PTPRO: variants seen among roughly 807,000 people sequenced by gnomAD.
PTPRO encodes the protein protein tyrosine phosphatase receptor type O.
PTPRO carries 62 observed loss-of-function variants against 145.2 expected under a neutral mutation model. The observed-to-expected ratio is 0.43, with a 90% confidence interval of 0.35 to 0.53. The LOEUF (loss-of-function observed/expected upper bound fraction) is 0.53. Ranked by LOEUF, PTPRO falls within the 20% of genes least tolerant of loss-of-function variation. PTPRO has a pLI of 0.01. For synonymous variants in PTPRO, 565 were observed against 514.7 expected (o/e 1.10, Z -1.32); for missense variants, 1,345 against 1,482.7 (o/e 0.91, Z 1.53).
chr12:15,345,788 C>A (rs1867186552), intron 1 of PTPRO, among the ~76,000 whole-genome samples: 1 of 152,128 alleles, frequency 6.6e-6, no homozygotes, highest in Admixed American at 6.6e-5. Flanking sequence ...ATTCTTAAGA[C>A]CACTCATTCT....
At position 15,540,375 on chromosome 12, in the gene PTPRO, T is replaced by C. The variant is rs114250791; in HGVS notation, c.2165-6194T>C. Reference sequence around the variant, plus strand: ...TGAAGAGCATTCTAAAAAACTGTTATCAGTGAGGCTAAAGATTGAAAATAA... The same window carrying C: ...TGAAGAGCATTCTAAAAAACTGTTACCAGTGAGGCTAAAGATTGAAAATAA... On this transcript the variant is annotated intron_variant, in intron 12 of 26. Coordinates refer to ENST00000281171, the MANE Select transcript of PTPRO (RefSeq NM_030667.3). 4.1e-3 allele frequency among the ~76,000 whole-genome samples: 630 copies of C among 152,360 alleles called. 5 individuals are homozygous for C. Among genetic ancestry groups the C allele is most frequent in the African/African-American group, 0.014 (603 of 41,588 alleles).
At chr12:15,367,670 T>C (rs1393885794) in intron 1 of PTPRO, among the ~76,000 whole-genome samples, 4 of 152,224 alleles carry the variant, frequency 2.6e-5, no homozygotes, top group African/African-American at 7.2e-5. Context: ...TTGCCAAGCC[T>C]GTTCTCCAGT....
intron 5 of PTPRO, among the ~76,000 whole-genome samples, chr12:15,502,984 G>A (rs562174210): frequency 6.6e-6 from 1 of 152,012 alleles, no homozygotes; most frequent in Non-Finnish European, 1.5e-5. Flanking sequence ...AATAGCATGA[G>A]ATACAAAATC....
At chr12:15,429,267 C>T (rs1343979880) in intron 1 of PTPRO, among the ~76,000 whole-genome samples, 3 of 151,956 alleles carry the variant, frequency 2.0e-5, no homozygotes, top group Non-Finnish European at 4.4e-5. Flanking sequence ...GAGTTTTAGG[C>T]TAATGGGAAA....
intron 2 of PTPRO, among the ~76,000 whole-genome samples, chr12:15,490,513 A>G (rs1941978684): frequency 6.6e-6 from 1 of 152,212 alleles, no homozygotes; most frequent in Non-Finnish European, 1.5e-5. Context: ...TCTTTTGTTT[A>G]GGCACAACAT....
chr12:15,444,212 C>CCTA (rs917266962), intron 1 of PTPRO, among the ~76,000 whole-genome samples: 1 of 152,090 alleles, frequency 6.6e-6, no homozygotes, highest in Non-Finnish European at 1.5e-5. Flanking sequence ...AGGCCATTAT[C>CCTA]CTAAGCAAAT....
intron 19 of PTPRO, among the ~76,000 whole-genome samples, chr12:15,572,302 A>G (rs1427468839): frequency 1.3e-5 from 2 of 152,200 alleles, no homozygotes. Context: ...ATTTTGAGTA[A>G]ATTTCCCATA....
chr12:15,519,011 T>C (rs1032258490), intron 9 of PTPRO, among the ~76,000 whole-genome samples: 19 of 152,184 alleles, frequency 1.2e-4, no homozygotes, highest in African/African-American at 4.6e-4. Context: ...GGTACCAATT[T>C]ACTGTATTCA....
intron 19 of PTPRO, among the ~76,000 whole-genome samples, chr12:15,578,416 G>T (rs2135637589): frequency 6.6e-6 from 1 of 152,206 alleles, no homozygotes; most frequent in East Asian, 1.9e-4. Context: ...GTATTAGATA[G>T]CTATTACCAC....
At chr12:15,517,527 GCA>G (rs1255357772) in intron 9 of PTPRO, among the ~76,000 whole-genome samples, 10 of 152,148 alleles carry the variant, frequency 6.6e-5, no homozygotes, top group African/African-American at 2.2e-4. Context: ...ACTCGAAAGT[GCA>G]CAGTCAAAAG....
At chr12:15,546,913 T>G (rs1943306474) in intron 13 of PTPRO, among the ~76,000 whole-genome samples, 2 of 152,214 alleles carry the variant, frequency 1.3e-5, no homozygotes, top group Admixed American at 1.3e-4. Flanking sequence ...CTGTATCACT[T>G]GTTCCTAATT....
At chr12:15,489,651 G>A (rs1366629658) in intron 2 of PTPRO, among the ~76,000 whole-genome samples, 2 of 152,118 alleles carry the variant, frequency 1.3e-5, no homozygotes, top group Admixed American at 1.3e-4. Flanking sequence ...CTTGGTTTTG[G>A]TGGGGTTTGG....
intron 1 of PTPRO, among the ~76,000 whole-genome samples, chr12:15,435,200 G>A (rs1180366915): frequency 3.3e-5 from 5 of 152,166 alleles, no homozygotes; most frequent in Non-Finnish European, 7.4e-5. Context: ...GGATAAGAGT[G>A]ATTGTAGCTA....
chr12:15,521,222 T>C (rs1446631812), intron 10 of PTPRO, among the ~76,000 whole-genome samples: 3 of 151,436 alleles, frequency 2.0e-5, no homozygotes, highest in Non-Finnish European at 4.4e-5. Context: ...TGTTGAAATG[T>C]ATGAGAAAAA....
intron 1 of PTPRO, among the ~76,000 whole-genome samples, chr12:15,416,161 T>C (rs1483320053): frequency 1.3e-5 from 2 of 151,674 alleles, no homozygotes; most frequent in African/African-American, 4.9e-5. Flanking sequence ...TGTTGAGCAG[T>C]ACTGAAAGGC....
At chr12:15,393,992 G>T (rs770043959) in intron 1 of PTPRO, among the ~76,000 whole-genome samples, 1 of 152,056 alleles carries the variant, frequency 6.6e-6, no homozygotes, top group Non-Finnish European at 1.5e-5. Flanking sequence ...TAACAGATCC[G>T]CTCTTGTGAC....
intron 7 of PTPRO, among the ~76,000 whole-genome samples, chr12:15,511,518 A>G (rs1942440006): frequency 6.6e-6 from 1 of 152,230 alleles, no homozygotes; most frequent in Non-Finnish European, 1.5e-5. Context: ...AAAAAGTATA[A>G]TATCCCTAGG....
rs898562854 is a variant in PTPRO, at chr12:15,546,712, C to T, written c.2304+4C>T. The T allele has an allele frequency of 3.7e-6, 6 of 1,613,810 alleles. No homozygotes were observed. The highest frequency in any genetic ancestry group is 5.1e-6 in the Non-Finnish European group (6 of 1,179,904). On this transcript the variant is annotated splice_donor_region_variant and intron_variant, in intron 13 of 26. Coordinates refer to ENST00000281171, the MANE Select transcript of PTPRO (RefSeq NM_030667.3). ...CAGTCAGAAAACCAAACTTCAGGTACTGTACCTTTTGATCTACCTTTTCTC... is the reference window on the plus strand; with the variant it reads ...CAGTCAGAAAACCAAACTTCAGGTATTGTACCTTTTGATCTACCTTTTCTC...
At chr12:15,588,871 C>G (rs1280138935) in intron 24 of PTPRO, among the ~76,000 whole-genome samples, 1 of 152,098 alleles carries the variant, frequency 6.6e-6, no homozygotes, top group Non-Finnish European at 1.5e-5. Context: ...AGCAGAGACC[C>G]CGATAAAGGG....
Sources: allele counts gnomAD v4.1 joint callset (sites outside exome capture counted in the v4.1 genomes callset), GRCh38; gene constraint gnomAD v4.1.1; transcripts MANE v1.5; gene names NCBI Gene and HGNC (gene_info 2026-07-23, HGNC 2026-07-21).